Variants in SEPTIN9 observed in about 807,000 individuals in gnomAD.
The protein encoded by SEPTIN9 is septin 9.
A neutral mutation model predicts 56.6 loss-of-function variants in SEPTIN9; 13 were observed. The observed-to-expected ratio is 0.23, with a 90% CI of 0.15 to 0.37. The LOEUF is 0.37. Among genes scored for constraint, SEPTIN9 ranks in the 10% least tolerant of loss-of-function variants. The pLI, the probability that SEPTIN9 is intolerant of heterozygous loss-of-function variation, is 1.00. For synonymous variants in SEPTIN9, 332 were observed against 334.1 expected (o/e 0.99, Z 0.07); for missense variants, 650 against 823.1 (o/e 0.79, Z 2.57).
At chr17:77,417,977 C>T (rs967182145) in intron 3 of SEPTIN9, among the ~76,000 whole-genome samples, 5 of 152,196 alleles carry the variant, frequency 3.3e-5, no homozygotes, top group African/African-American at 7.2e-5. Context: ...AGTCCAGTGG[C>T]GGCCTCCTAC....
intron 2 of SEPTIN9, chr17:77,373,074 G>A: frequency 1.9e-6 from 1 of 516,178 alleles, no homozygotes; most frequent in Non-Finnish European, 2.5e-6. Flanking sequence ...GCGCCCGGGG[G>A]GAGGGGCTGA....
chr17:77,487,584 G>A lies in SEPTIN9; in HGVS notation c.1042+32G>A. On this transcript the variant is annotated intron_variant, in intron 5 of 11. Coordinates refer to ENST00000427177, the MANE Select transcript of SEPTIN9 (RefSeq NM_001113491.2). This position sits in a 1 kb window ranked among gnomAD's most constrained non-coding sequence, Gnocchi z 4.3. ...GGCCGGGAGTGGGCTGGGGGTGCAG[G>A]ACGCCCCTGCCTTCCTGGAGCACAG... 12 of 1,602,238 alleles carry A rather than the reference G, an allele frequency of 7.5e-6. No individual in the cohort carries two copies. The highest frequency in any genetic ancestry group is 9.3e-6 in the Non-Finnish European group (11 of 1,178,348).
chr17:77,497,903 A>G lies in SEPTIN9; in HGVS notation c.1625+537A>G, dbSNP rs188231129. On this transcript the variant is annotated intron_variant, in intron 11 of 11. Coordinates refer to ENST00000427177, the MANE Select transcript of SEPTIN9 (RefSeq NM_001113491.2). ...AGCTGGCATGGATGATGGGAATGTT[A>G]TCAAGAGGAGGGGCCTCCAGGTTGG... Among the ~76,000 whole-genome samples the G allele has an allele frequency of 1.3e-4, 18 of 138,462 alleles. No individual in the cohort carries two copies. The East Asian group carries it at 4.4e-3, about 34-fold the overall frequency. The allele number at this position is 138,462 out of a possible 152,430, so 90.8% of individuals were successfully genotyped here.
intron 3 of SEPTIN9, among the ~76,000 whole-genome samples, chr17:77,481,202 A>G (rs1373965277): frequency 6.6e-6 from 1 of 152,226 alleles, no homozygotes; most frequent in Non-Finnish European, 1.5e-5. Flanking sequence ...TGGTGTCTTA[A>G]CAGCAGCCAG....
chr17:77,387,451 G>C (rs886323529), intron 2 of SEPTIN9, among the ~76,000 whole-genome samples: 1 of 152,194 alleles, frequency 6.6e-6, no homozygotes, highest in Admixed American at 6.5e-5. Flanking sequence ...TCACAGGTCC[G>C]AGGGCTAGGG....
Position 77,450,793 on chromosome 17 carries a change from T to G in SEPTIN9, c.722-31351T>G. ...CTCGGAGGAAGAGCTCAGGGTGAGC[T>G]GCGCCCCCATCCCCTGCCCCTCCTC... On this transcript the variant is annotated intron_variant, in intron 3 of 11. Transcript: ENST00000427177. The surrounding 1 kb of genome is among the most constrained non-coding windows in gnomAD (Gnocchi z 6.0). 1 of 986,330 alleles carries G rather than the reference T, an allele frequency of 1.0e-6. No individual in the cohort carries two copies. Among genetic ancestry groups the G allele is most frequent in the African/African-American group, 1.7e-5 (1 of 57,310 alleles). 61.1% of individuals were successfully genotyped at this position (986,330 alleles called of 1,614,324 possible). A position where few individuals can be genotyped will look rare whatever the true frequency, so the allele number is the denominator to read the frequency against.
At chr17:77,357,189 G>A (rs941248281) in intron 2 of SEPTIN9, among the ~76,000 whole-genome samples, 1 of 152,086 alleles carries the variant, frequency 6.6e-6, no homozygotes, top group Non-Finnish European at 1.5e-5. Context: ...GGGCAGATGG[G>A]GAAGCAAGGG....
chr17:77,282,712 G>A (rs1300745253), intron 1 of SEPTIN9, among the ~76,000 whole-genome samples: 2 of 152,232 alleles, frequency 1.3e-5, no homozygotes, highest in Non-Finnish European at 2.9e-5. Context: ...GAACAAGATG[G>A]CCCTCTACGC....
intron 2 of SEPTIN9, among the ~76,000 whole-genome samples, chr17:77,387,205 T>A (rs1419305561): frequency 6.6e-6 from 1 of 152,254 alleles, no homozygotes; most frequent in Non-Finnish European, 1.5e-5. Context: ...TTGGGGCCTC[T>A]GCGGGAGGCT....
Position 77,282,250 on chromosome 17 carries a change from C to T in SEPTIN9, c.19+696C>T, listed in dbSNP as rs7207695. 8.5e-3 allele frequency among the ~76,000 whole-genome samples: 1,295 copies of T among 152,266 alleles called. 16 individuals are homozygous for T. The highest frequency in any genetic ancestry group is 0.03 in the African/African-American group (1,246 of 41,552). ...TTCACAGATGGGCACACCGAGGCCA[C>T]AAGGGCAGGTTAAGAGAAATCCAGA... On this transcript the variant is annotated intron_variant, in intron 1 of 11. Coordinates refer to ENST00000427177, the MANE Select transcript of SEPTIN9 (RefSeq NM_001113491.2).
intron 2 of SEPTIN9, among the ~76,000 whole-genome samples, chr17:77,370,391 C>G (rs2034682958): frequency 6.6e-6 from 1 of 152,210 alleles, no homozygotes; most frequent in Admixed American, 6.5e-5. Context: ...ACTTTCTTTT[C>G]TGTCTCTTAG....
chr17:77,436,638 GC>G lies in SEPTIN9; in HGVS notation c.721+33939del, dbSNP rs1210114141. On this transcript the variant is annotated intron_variant, in intron 3 of 11. Transcript: ENST00000427177. The surrounding 1 kb of genome is among the most constrained non-coding windows in gnomAD (Gnocchi z 4.4). ...CTGCCCCGCTGGAGGGAGTGACCTG[GC>G]CCCTGGCCCCGGCCACCTACACCTC... Among the ~76,000 whole-genome samples, 1 of 152,218 alleles carries G rather than the reference GC, an allele frequency of 6.6e-6. No individual in the cohort carries two copies. The highest frequency in any genetic ancestry group is 2.4e-5 in the African/African-American group (1 of 41,460).
intron 7 of SEPTIN9, 80 bp downstream of exon 7, chr17:77,488,944 T>C: frequency 6.4e-7 from 1 of 1,561,394 alleles, no homozygotes; most frequent in Non-Finnish European, 8.7e-7. Flanking sequence ...GACGGTGCTG[T>C]CTGCCCTGCT....
chr17:77,498,719 C>A lies in SEPTIN9; in HGVS notation c.*61C>A. 2.1e-6 allele frequency: 2 copies of A among 936,254 alleles called. No homozygotes were observed. The highest frequency in any genetic ancestry group is 2.9e-5 in the East Asian group (1 of 34,466). The allele number at this position is 936,254 out of a possible 1,614,324, so 58.0% of individuals were successfully genotyped here. A position where few individuals can be genotyped will look rare whatever the true frequency, so the allele number is the denominator to read the frequency against. On this transcript the variant is annotated 3_prime_UTR_variant, in exon 12 of 12. Transcript: ENST00000427177. ...AGTCATTTCCGTCCCCCCCCAGGCC[C>A]TCCCACCACCCCATTTTATTTTATA...
intron 3 of SEPTIN9, among the ~76,000 whole-genome samples, chr17:77,416,804 G>C (rs1453626911): frequency 2.6e-5 from 4 of 152,172 alleles, no homozygotes; most frequent in Admixed American, 2.6e-4. Context: ...GAGTGTCTCT[G>C]ACACTCCCAG....
At chr17:77,351,098 C>T (rs2034048096) in intron 2 of SEPTIN9, among the ~76,000 whole-genome samples, 1 of 151,744 alleles carries the variant, frequency 6.6e-6, no homozygotes, top group Non-Finnish European at 1.5e-5. Context: ...TGCACTTGCA[C>T]ATGTGTACAC....
chr17:77,370,924 A>G (rs1308240265), intron 2 of SEPTIN9, among the ~76,000 whole-genome samples: 2 of 152,232 alleles, frequency 1.3e-5, no homozygotes, highest in African/African-American at 4.8e-5. Context: ...AGGCTGAGAA[A>G]GAGGAGGCCA....
chr17:77,343,003 G>GTCTGTCTGTCTGTCTGTCTATCTATCTA (rs71160228), intron 2 of SEPTIN9, among the ~76,000 whole-genome samples: 1 of 147,142 alleles, frequency 6.8e-6, no homozygotes, highest in African/African-American at 2.6e-5. Context: ...CTGTCTGTCT[G>GTCTGTCTGTCTGTCTGTCTATCTATCTA]TCTATCTATC....
rs1239320377 is a variant in SEPTIN9 at position 77,326,870 on chromosome 17, C to T, written c.76+19673C>T. On this transcript the variant is annotated intron_variant, in intron 2 of 11. Transcript: ENST00000427177. The surrounding 1 kb of genome is among the most constrained non-coding windows in gnomAD (Gnocchi z 5.1). ...AATCATGCCTTCGTAATGAGGCCTC[C>T]GTGAACACTCAGAAGGATGGGGTTC... Among the ~76,000 whole-genome samples, 1 of 152,030 alleles carries T rather than the reference C, an allele frequency of 6.6e-6. No homozygotes were observed. Among genetic ancestry groups the T allele is most frequent in the African/African-American group, 2.4e-5 (1 of 41,382 alleles).
Sources: allele counts gnomAD v4.1 joint callset (sites outside exome capture counted in the v4.1 genomes callset), GRCh38; gene constraint gnomAD v4.1.1; non-coding constraint Gnocchi (gnomAD v3.1); transcripts MANE v1.5; gene names NCBI Gene and HGNC (gene_info 2026-07-23, HGNC 2026-07-21).